Variants in USF2 observed in about 807,000 individuals in gnomAD.
USF2 encodes upstream stimulatory factor 2.
A neutral mutation model predicts 46.9 loss-of-function variants in USF2; 16 were observed. The observed-to-expected ratio is 0.34, with a 90% CI of 0.23 to 0.52. The LOEUF (loss-of-function observed/expected upper bound fraction) is 0.52, where lower values mean the gene tolerates loss of function less well. USF2 is among the 20% of genes least tolerant of loss of function. USF2 has a pLI of 0.96. For synonymous variants in USF2, 239 were observed against 194.1 expected (o/e 1.23, Z -1.92); for missense variants, 411 against 474.0 (o/e 0.87, Z 1.23).
At chr19:35,273,263 TC>T (rs1348321303) in intron 7 of USF2, among the ~76,000 whole-genome samples, 8 of 152,142 alleles carry the variant, frequency 5.3e-5, no homozygotes, top group African/African-American at 1.7e-4. Flanking sequence ...CAGCTCCACT[TC>T]CGGTCACCCG....
At chr19:35,271,034 A>C in intron 6 of USF2, 49 bp from the exon 7 acceptor site, 1 of 1,606,544 alleles carries the variant, frequency 6.2e-7, no homozygotes, top group South Asian at 1.1e-5. Context: ...TGCTTGGGCA[A>C]ACAGCTCTGC....
At chr19:35,273,233 G>A (rs931248669) in intron 7 of USF2, among the ~76,000 whole-genome samples, 8 of 152,166 alleles carry the variant, frequency 5.3e-5, no homozygotes, top group African/African-American at 1.9e-4. Flanking sequence ...TCAGCCATCT[G>A]GCTCATGGCT....
In USF2 at chr19:35,270,852, A is replaced by G. The variant is rs759258878; in HGVS notation, c.668+47A>G. The G allele has an allele frequency of 6.2e-6, 10 of 1,609,636 alleles. No individual in the cohort carries two copies. In the South Asian group the frequency reaches 1.1e-4, roughly 18 times the overall value. On this transcript the variant is annotated intron_variant, in intron 6 of 9. Coordinates refer to ENST00000222305, the MANE Select transcript of USF2 (RefSeq NM_003367.4). ...AGGGCCTGGTGTTGAAATGGAAGGA[A>G]GAGGGGTTTCTGGAGTAGAAGCTGG... is the stretch of plus-strand genomic sequence containing the variant.
chr19:35,270,768 C>G lies in USF2; in HGVS notation c.631C>G (p.Gln211Glu), dbSNP rs2066141724. The G allele has an allele frequency of 6.2e-7, 1 of 1,613,928 alleles. No homozygotes were observed. The highest frequency in any genetic ancestry group is 8.5e-7 in the Non-Finnish European group (1 of 1,180,018). ...CCAGGATGTGCTTCAGACAGGAACA[C>G]AGAGGACGATCGCCCCCCGGACACA... ...TPQDVLQTGT[Q>E]RTIAPRTHPY... Residue 211 changes from glutamine (Q) to glutamate (E), a missense_variant, in exon 6 of 10, where the codon CAG becomes GAG. Physicochemically the swap from Gln to Glu is conservative, Grantham distance 29. Coordinates refer to ENST00000222305, the MANE Select transcript of USF2 (RefSeq NM_003367.4).
chr19:35,278,634 G>C (rs1042813264), intron 7 of USF2, 64 bp from the exon 8 acceptor site: 5 of 1,557,404 alleles, frequency 3.2e-6, no homozygotes, highest in African/African-American at 1.4e-5. Context: ...CCTCTGCCCT[G>C]TGAGGACGGC....
At position 35,270,504 on chromosome 19, in the gene USF2, G is replaced by T; in HGVS notation, c.487G>T (p.Gly163Trp). 1 of 1,614,152 alleles carries T rather than the reference G, an allele frequency of 6.2e-7. No homozygotes were observed. Among genetic ancestry groups the T allele is most frequent in the East Asian group, 2.2e-5 (1 of 44,888 alleles). The change falls in exon 5 of 10, where the codon GGG becomes TGG. Residue 163 changes from glycine (G) to tryptophan (W), a missense_variant. By Grantham distance (184) the Gly-to-Trp change is radical. Around this residue, in one of 2 missense-constraint regions of USF2, gnomAD observed 318 missense variants for 322.4 expected, o/e 0.99. Coordinates refer to ENST00000222305, the MANE Select transcript of USF2 (RefSeq NM_003367.4). ...GGSPAAEAVS[G>W]EARFAYFPAS... ...CAGTCCGGCGGCCGAGGCTGTCAGC[G>T]GGGAGGCACGATTTGCCTATTTCCC...
intron 7 of USF2, 21 bp downstream of exon 7, chr19:35,271,162 CG>C (rs760535402): frequency 6.2e-7 from 1 of 1,613,796 alleles, no homozygotes; most frequent in South Asian, 1.1e-5. Flanking sequence ...GGTGTGGCTC[CG>C]GGTCCCCCTG....
At position 35,270,987 on chromosome 19, in the gene USF2, C is replaced by G. The variant is rs149079412; in HGVS notation, c.669-96C>G. The G allele has an allele frequency of 6.5e-6, 10 of 1,534,820 alleles. No homozygotes were observed. In the South Asian group the frequency reaches 8.0e-5, roughly 12 times the overall value. On this transcript the variant is annotated intron_variant, in intron 6 of 9. Coordinates refer to ENST00000222305, the MANE Select transcript of USF2 (RefSeq NM_003367.4). ...CTTTTGTTTTTGCAGATGGATTTAC[C>G]TTGCAAAGATAATTTTCAAATCTAA...
intron 7 of USF2, chr19:35,277,628 C>T (rs1442233228): frequency 6.6e-6 from 1 of 152,282 alleles, no homozygotes; most frequent in African/African-American, 2.4e-5. Flanking sequence ...TGAAAAGACC[C>T]CCTGGCCTTC....
Position 35,278,985 on chromosome 19 carries a change from C to A in USF2, c.862C>A (p.Arg288=). 2 of 1,557,908 alleles carry A rather than the reference C, an allele frequency of 1.3e-6. No homozygotes were observed. The highest frequency in any genetic ancestry group is 1.7e-6 in the Non-Finnish European group (2 of 1,150,878). The change falls in exon 9 of 10, where the codon CGG becomes AGG. Residue 288 remains arginine, a synonymous_variant. Transcript: ENST00000222305. ...GILSKACDYI[R]ELRQTNQRMQ... is the part of the protein sequence containing the mutation. Reference sequence around the variant, plus strand: ...CCTGTCCAAGGCCTGCGATTACATCCGGGAGTTGCGCCAGACCAACCAGCG... The same window carrying A: ...CCTGTCCAAGGCCTGCGATTACATCAGGGAGTTGCGCCAGACCAACCAGCG...
chr19:35,271,487 A>G (rs1173533679), intron 7 of USF2, among the ~76,000 whole-genome samples: 4 of 152,092 alleles, frequency 2.6e-5, no homozygotes, highest in Non-Finnish European at 5.9e-5. Flanking sequence ...TGACCTTTCC[A>G]CGTGGCAGCT....
intron 7 of USF2, among the ~76,000 whole-genome samples, chr19:35,272,560 C>T (rs2066172758): frequency 6.6e-6 from 1 of 152,094 alleles, no homozygotes; most frequent in African/African-American, 2.4e-5. Flanking sequence ...GGGGGCTGCC[C>T]AGGCCAGATG....
intron 2 of USF2, 24 bp downstream of exon 2, chr19:35,269,516 C>T (rs1254878615): frequency 1.9e-6 from 3 of 1,540,488 alleles, no homozygotes; most frequent in East Asian, 2.5e-5. Flanking sequence ...GGGCCGGCCG[C>T]GCCCGGGGAG....
At chr19:35,271,054 T>C (rs770102365) in intron 6 of USF2, 29 bp from the exon 7 acceptor site, 3 of 1,613,472 alleles carry the variant, frequency 1.9e-6, no homozygotes, top group Non-Finnish European at 2.5e-6. Flanking sequence ...CGATAATACA[T>C]GCCCCCTTTT....
intron 7 of USF2, among the ~76,000 whole-genome samples, chr19:35,272,268 G>C (rs903288960): frequency 6.6e-6 from 1 of 152,190 alleles, no homozygotes; most frequent in Non-Finnish European, 1.5e-5. Context: ...GAGTCACACA[G>C]CCGCATCAGG....
chr19:35,270,141 G>T (rs2066128727), intron 4 of USF2, 138 bp downstream of exon 4: 2 of 1,080,266 alleles, frequency 1.9e-6, no homozygotes, highest in Non-Finnish European at 2.5e-6. Context: ...CATGGGGCCA[G>T]ATCCCTGTTG....
chr19:35,276,785 C>T lies in USF2; in HGVS notation c.728-1913C>T, dbSNP rs77737543. Among the ~76,000 whole-genome samples, 1,499 of 152,306 alleles carry T rather than the reference C, an allele frequency of 9.8e-3. 22 individuals are homozygous for T. Among genetic ancestry groups the T allele is most frequent in the African/African-American group, 0.035 (1,436 of 41,566 alleles). On this transcript the variant is annotated intron_variant, in intron 7 of 9. Transcript: ENST00000222305. ...GCCATGGCTCGGCGCCTGGCGTTCC[C>T]GAGGCACTTTGTACCATCTTCAGTG... is the stretch of plus-strand genomic sequence containing the variant.
chr19:35,276,982 C>T (rs1167339478), intron 7 of USF2: 5 of 152,294 alleles, frequency 3.3e-5, no homozygotes, highest in Admixed American at 2.0e-4. Context: ...GAGGATGTAC[C>T]TGCAGCCGGC....
chr19:35,272,147 G>A (rs186618329), intron 7 of USF2, among the ~76,000 whole-genome samples: 9 of 152,254 alleles, frequency 5.9e-5, no homozygotes, highest in East Asian at 1.9e-4. Flanking sequence ...TTCATTCAGC[G>A]CGTGCATACT....
Sources: allele counts gnomAD v4.1 joint callset (sites outside exome capture counted in the v4.1 genomes callset), GRCh38; gene constraint gnomAD v4.1.1; regional missense constraint gnomAD v4.1.1; transcripts MANE v1.5; gene names NCBI Gene and HGNC (gene_info 2026-07-23, HGNC 2026-07-21).